Variants in NCOA2 observed in about 807,000 individuals in gnomAD.
NCOA2 encodes the protein class E basic helix-loop-helix protein 75.
NCOA2 carries 21 observed loss-of-function variants against 145.1 expected under a neutral mutation model. The observed-to-expected ratio is 0.14, with a 90% CI of 0.10 to 0.21. The LOEUF (loss-of-function observed/expected upper bound fraction) is 0.21, where lower values mean the gene tolerates loss of function less well. Ranked by LOEUF, NCOA2 falls within the 10% of genes least tolerant of loss-of-function variation. The probability of loss-of-function intolerance (pLI) is 1.00; values close to 1 mark genes in which losing one functional copy is unlikely to be tolerated. For missense variants in NCOA2, 1,472 were observed against 1,837.6 expected, an observed-to-expected ratio of 0.80 and a Z score of 3.64; for synonymous variants, 619 against 637.5, an observed-to-expected ratio of 0.97 and a Z score of 0.44.
intron 14 of NCOA2, 65 bp downstream of exon 14, chr8:70,141,119 T>C: frequency 6.8e-7 from 1 of 1,474,292 alleles, no homozygotes; most frequent in Non-Finnish European, 9.3e-7. Flanking sequence ...TTGAAAGAAC[T>C]TATGACGCTC....
At position 70,346,039 on chromosome 8, in the gene NCOA2, T is replaced by C. The variant is rs541034095; in HGVS notation, c.-76-49239A>G. The stretch of plus-strand genomic sequence containing the variant: ...CTAAGTGGAATTAAAATCTATAGTA[T>C]TGTATATAAAATATCCTAATCAAGA... On this transcript the variant is annotated intron_variant, in intron 1 of 22. Coordinates refer to ENST00000452400, the MANE Select transcript of NCOA2 (RefSeq NM_006540.4). Among the ~76,000 whole-genome samples the C allele has an allele frequency of 1.1e-3, 163 of 152,354 alleles. 1 individual carries two copies. The highest frequency in any genetic ancestry group is 3.6e-3 in the African/African-American group (150 of 41,584).
chr8:70,378,061 T>C (rs952933413), intron 1 of NCOA2, among the ~76,000 whole-genome samples: 3 of 152,128 alleles, frequency 2.0e-5, no homozygotes, highest in African/African-American at 7.2e-5. Flanking sequence ...AATGGACCAA[T>C]TCCCTCCAGT....
intron 12 of NCOA2, among the ~76,000 whole-genome samples, chr8:70,146,361 C>T (rs774886062): frequency 2.8e-4 from 43 of 152,244 alleles, no homozygotes; most frequent in Middle Eastern, 3.4e-3. Flanking sequence ...AATTTGTTAA[C>T]GCTATTAAAT....
intron 2 of NCOA2, among the ~76,000 whole-genome samples, chr8:70,246,381 C>T (rs968658373): frequency 6.6e-6 from 1 of 152,070 alleles, no homozygotes; most frequent in African/African-American, 2.4e-5. Flanking sequence ...TAAGGAACTA[C>T]GCTCAAGTGC....
the NCOA2 span, among the ~76,000 whole-genome samples, chr8:70,444,415 A>T: frequency 2.0e-5 from 3 of 152,200 alleles, no homozygotes; most frequent in African/African-American, 7.2e-5. Context: ...TGAAACTATT[A>T]CATATCTTCA....
chr8:70,288,951 A>T (rs1410577372), intron 2 of NCOA2, among the ~76,000 whole-genome samples: 2 of 152,222 alleles, frequency 1.3e-5, no homozygotes, highest in Non-Finnish European at 2.9e-5. Context: ...TAGTTACAAA[A>T]AAATCTAAAT....
At chr8:70,355,099 C>T (rs372261991) in intron 1 of NCOA2, among the ~76,000 whole-genome samples, 1 of 152,152 alleles carries the variant, frequency 6.6e-6, no homozygotes, top group Admixed American at 6.5e-5. Context: ...TTATATATGG[C>T]GAAATGAATG....
intron 2 of NCOA2, among the ~76,000 whole-genome samples, chr8:70,290,218 G>A (rs1263253381): frequency 7.6e-5 from 10 of 132,096 alleles, no homozygotes; most frequent in Admixed American, 2.6e-4. Flanking sequence ...ATGGAGTCTC[G>A]CTCTGTTGCC....
At chr8:70,256,408 A>G (rs1823636324) in intron 2 of NCOA2, among the ~76,000 whole-genome samples, 1 of 152,232 alleles carries the variant, frequency 6.6e-6, no homozygotes, top group Non-Finnish European at 1.5e-5. Context: ...GTGCTGCTGC[A>G]TGGAAGATTT....
intron 2 of NCOA2, among the ~76,000 whole-genome samples, chr8:70,219,351 C>G (rs1819930120): frequency 6.6e-6 from 1 of 152,208 alleles, no homozygotes; most frequent in Non-Finnish European, 1.5e-5. Context: ...TCCTCAAAAT[C>G]TGCAACTTTC....
chr8:70,337,472 T>G (rs572206404), intron 1 of NCOA2, among the ~76,000 whole-genome samples: 1 of 152,200 alleles, frequency 6.6e-6, no homozygotes, highest in Non-Finnish European at 1.5e-5. Flanking sequence ...CGAATAGTGA[T>G]CCTATACATA....
At chr8:70,142,803 G>C (rs1052905096) in intron 13 of NCOA2, among the ~76,000 whole-genome samples, 29 of 152,060 alleles carry the variant, frequency 1.9e-4, no homozygotes, top group African/African-American at 7.0e-4. Context: ...ATGGGAAAAA[G>C]GGATTTTATT....
intron 2 of NCOA2, among the ~76,000 whole-genome samples, chr8:70,237,299 G>A (rs1018388097): frequency 3.3e-5 from 5 of 152,104 alleles, no homozygotes; most frequent in Non-Finnish European, 5.9e-5. Flanking sequence ...TTGAACCCGC[G>A]CTGTCTGACT....
At chr8:70,422,482 C>T in the NCOA2 span, among the ~76,000 whole-genome samples, 2 of 151,954 alleles carry the variant, frequency 1.3e-5, no homozygotes, top group Admixed American at 6.6e-5. Context: ...GCAATCTCAG[C>T]TCACTGCAAC....
intron 2 of NCOA2, among the ~76,000 whole-genome samples, chr8:70,282,956 C>T (rs7008415): frequency 0.24 from 36,236 of 152,070 alleles, 5,412 homozygotes; most frequent in East Asian, 0.57. Flanking sequence ...ATGAGTGTGT[C>T]TGTTCACAAA....
intron 1 of NCOA2, among the ~76,000 whole-genome samples, chr8:70,339,063 T>C (rs750346870): frequency 2.0e-5 from 3 of 152,144 alleles, no homozygotes; most frequent in African/African-American, 7.2e-5. Context: ...CTATTATGCA[T>C]AGTACTGGAA....
the NCOA2 span, among the ~76,000 whole-genome samples, chr8:70,450,570 A>ATTCTTTTTT: frequency 1.6e-5 from 1 of 61,136 alleles, no homozygotes. Flanking sequence ...ACTTCTTTTT[A>ATTCTTTTTT]TTCTTTTTTT....
At chr8:70,256,321 C>T (rs923964508) in intron 2 of NCOA2, among the ~76,000 whole-genome samples, 1 of 152,206 alleles carries the variant, frequency 6.6e-6, no homozygotes, top group African/African-American at 2.4e-5. Context: ...TTTTCAGAGA[C>T]AAGCTCTCAA....
At chr8:70,252,315 C>T (rs143673161) in intron 2 of NCOA2, among the ~76,000 whole-genome samples, 53 of 152,326 alleles carry the variant, frequency 3.5e-4, no homozygotes, top group African/African-American at 1.2e-3. Context: ...TGGCTAACGC[C>T]TGTAATCCCA....
Sources: gnomAD v4.1 joint callset for allele counts (sites outside exome capture counted in the v4.1 genomes callset) on GRCh38, gnomAD v4.1.1 for gene constraint, MANE v1.5 for transcripts, NCBI Gene and HGNC (gene_info 2026-07-23, HGNC 2026-07-21) for gene names.